The following OGG1 variants were observed in gnomAD, a reference collection of about 807,000 sequenced individuals.
The protein encoded by OGG1 is 8-oxoguanine DNA glycosylase, also known as N-glycosylase/DNA lyase.
OGG1 carries 35 observed loss-of-function variants against 42.3 expected under a neutral mutation model. That is an observed-to-expected ratio of 0.83 (90% CI 0.63 to 1.10). The LOEUF (loss-of-function observed/expected upper bound fraction) is 1.10, where lower values mean the gene tolerates loss of function less well. Ranked by LOEUF, OGG1 falls within the 50% of genes least tolerant of loss-of-function variation. The pLI, the probability that OGG1 is intolerant of heterozygous loss-of-function variation, is 0.00. For missense variants in OGG1, 484 were observed against 446.7 expected (o/e 1.08, Z -0.75); for synonymous variants, 189 against 179.0 (o/e 1.06, Z -0.44).
downstream of OGG1, among the ~76,000 whole-genome samples, chr3:9,771,417 C>T (rs79868830): frequency 1.3e-5 from 2 of 152,154 alleles, no homozygotes; most frequent in African/African-American, 4.8e-5. Flanking sequence ...CATGCTTTAC[C>T]TCTCCGAACC....
At chr3:9,783,113 AAC>A (rs2078518624) in intron 3 of OGG1, 1 of 152,234 alleles carries the variant, frequency 6.6e-6, no homozygotes, top group Non-Finnish European at 1.5e-5. Flanking sequence ...ACAAAATGTT[AAC>A]AGTTAATTAG....
intron 2 of OGG1, 86 bp downstream of exon 2, chr3:9,751,278 A>C: frequency 7.3e-7 from 1 of 1,376,640 alleles, no homozygotes; most frequent in Non-Finnish European, 1.0e-6. Flanking sequence ...TAAAATGGGG[A>C]TTATATCTAC....
At chr3:9,757,763 C>G, downstream of OGG1, 1 of 1,614,140 alleles carries the variant, frequency 6.2e-7, no homozygotes, top group Non-Finnish European at 8.5e-7. This position sits in a 1 kb window ranked among gnomAD's most constrained non-coding sequence, Gnocchi z 4.5. Context: ...CCCCATGGCT[C>G]GCCGTCTGCC....
At position 9,763,195 on chromosome 3, in the gene OGG1, A is replaced by G. The variant is rs138408472; in HGVS notation, c.1049-2614A>G. On this transcript the variant is annotated intron_variant, in intron 7 of 7. Coordinates refer to the OGG1 transcript ENST00000302008. ...TCTCATAGATGTCATCCAGGGCTAC[A>G]ATGTTGGGGTGCTTGATCCTGAAAG... 1.1e-3 allele frequency: 1,745 copies of G among 1,613,928 alleles called. 8 individuals are homozygous for G. Among genetic ancestry groups the G allele is most frequent in the Non-Finnish European group, 8.1e-4 (958 of 1,180,010 alleles).
exon 8 of OGG1, chr3:9,766,077 T>C: frequency 6.4e-7 from 1 of 1,553,416 alleles, no homozygotes; most frequent in Non-Finnish European, 8.8e-7. Flanking sequence ...GTCAAAGTAG[T>C]CTCTCCCCTG....
intron 2 of OGG1, among the ~76,000 whole-genome samples, chr3:9,774,677 A>T (rs1211941530): frequency 6.6e-6 from 1 of 152,232 alleles, no homozygotes; most frequent in East Asian, 1.9e-4. Context: ...CTCACTAGTG[A>T]TACAAAAAAG....
chr3:9,750,519 G>T, intron 1 of OGG1, 96 bp downstream of exon 1: 1 of 1,552,376 alleles, frequency 6.4e-7, no homozygotes, highest in Middle Eastern at 1.7e-4. Flanking sequence ...GGGGGATGAT[G>T]GAAGAAACCC....
chr3:9,783,949 TA>T, intron 3 of OGG1: 4 of 1,485,032 alleles, frequency 2.7e-6, no homozygotes, highest in Non-Finnish European at 2.7e-6. Context: ...AAGCCTGTTG[TA>T]AAACCCCTGA....
intron 3 of OGG1, chr3:9,783,764 C>G (rs1321759465): frequency 6.6e-6 from 3 of 453,796 alleles, no homozygotes; most frequent in Non-Finnish European, 7.3e-6. Context: ...GGTGACAGTG[C>G]GAGACTCCCT....
At chr3:9,761,933 A>G (rs2077896825), downstream of OGG1, 2 of 906,476 alleles carry the variant, frequency 2.2e-6, no homozygotes, top group East Asian at 5.5e-5. Flanking sequence ...TCCAGGAAGG[A>G]CAAGGCTCAA....
At position 9,756,980 on chromosome 3, in the gene OGG1, C is replaced by T. The variant is rs1297730313; in HGVS notation, c.949-81C>T. Reference sequence around the variant, plus strand: ...CGGCCCTGTTCCCCAAGGACTCTTCCACCTCCCAACACTGTCACTAGTCTC... The same window carrying T: ...CGGCCCTGTTCCCCAAGGACTCTTCTACCTCCCAACACTGTCACTAGTCTC... On this transcript the variant is annotated intron_variant, in intron 6 of 6. Coordinates refer to ENST00000344629, the MANE Select transcript of OGG1 (RefSeq NM_002542.6). The T allele has an allele frequency of 5.0e-6, 8 of 1,612,440 alleles. No homozygotes were observed. In the East Asian group the frequency reaches 1.8e-4, roughly 36 times the overall value.
chr3:9,756,670 A>T, intron 5 of OGG1, 49 bp downstream of exon 5: 1 of 1,612,174 alleles, frequency 6.2e-7, no homozygotes, highest in Non-Finnish European at 8.5e-7. Flanking sequence ...GATGGTAGAA[A>T]CTTCTCTCTC....
At position 9,764,635 on chromosome 3, in the gene OGG1, T is replaced by G. The variant is rs1226922270; in HGVS notation, c.1049-1174T>G. Among the ~76,000 whole-genome samples, 80 of 147,686 alleles carry G rather than the reference T, an allele frequency of 5.4e-4. 1 individual carries two copies. Among genetic ancestry groups the G allele is most frequent in the Non-Finnish European group, 7.6e-4 (51 of 66,898 alleles). On this transcript the variant is annotated intron_variant, in intron 7 of 7. Transcript: ENST00000302008. Reference sequence around the variant, plus strand: ...CGTTTTTGTTTTTTTTTTGTTTTTTTTTTTTTTTTTGAGATGGAGTTTTGC... The same window carrying G: ...CGTTTTTGTTTTTTTTTTGTTTTTTGTTTTTTTTTTGAGATGGAGTTTTGC...
chr3:9,784,093 G>T, intron 3 of OGG1: 1 of 1,614,202 alleles, frequency 6.2e-7, no homozygotes, highest in Non-Finnish European at 8.5e-7. Context: ...CCTGCCGTTT[G>T]CGAAGCTCAG....
intron 1 of OGG1, chr3:9,750,647 T>A (rs1302486293): frequency 1.4e-6 from 1 of 726,268 alleles, no homozygotes; most frequent in Non-Finnish European, 2.3e-6. Context: ...AGCACTTGTT[T>A]TTCTTTTTTT....
At chr3:9,754,610 A>C (rs986962026) in intron 3 of OGG1, 94 bp from the exon 4 acceptor site, 11 of 1,384,450 alleles carry the variant, frequency 7.9e-6, no homozygotes, top group African/African-American at 7.1e-5. Context: ...ACTTAGGAAA[A>C]GCACTCTTGT....
chr3:9,766,748 CGTG>C (rs1171506725), downstream of OGG1: 3 of 556,736 alleles, frequency 5.4e-6, no homozygotes, highest in African/African-American at 4.1e-5. Flanking sequence ...AAGCATCTCT[CGTG>C]GTGAAATTTC....
chr3:9,750,869 T>C (rs1384655468), intron 1 of OGG1, 76 bp from the exon 2 acceptor site: 1 of 1,554,512 alleles, frequency 6.4e-7, no homozygotes, highest in Non-Finnish European at 8.9e-7. Flanking sequence ...CATGGAGCTA[T>C]TGTAGGATAG....
downstream of OGG1, chr3:9,758,162 CATTT>C (rs1459693242): frequency 4.8e-6 from 1 of 206,940 alleles, no homozygotes; most frequent in East Asian, 1.1e-4. Context: ...CGTAGTAATT[CATTT>C]AATCTTCATG....
Sources: allele counts gnomAD v4.1 joint callset (sites outside exome capture counted in the v4.1 genomes callset), GRCh38; gene constraint gnomAD v4.1.1; non-coding constraint Gnocchi (gnomAD v3.1); transcripts MANE v1.5; gene names NCBI Gene and HGNC (gene_info 2026-07-23, HGNC 2026-07-21).